CDH13: variants seen among roughly 807,000 people sequenced by gnomAD.
CDH13 encodes the protein cadherin 13.
CDH13 carries 24 observed loss-of-function variants against 63.8 expected under a neutral mutation model. That is an observed-to-expected ratio of 0.38 (90% CI 0.27 to 0.53). The LOEUF (loss-of-function observed/expected upper bound fraction) is 0.53. Ranked by LOEUF, CDH13 falls within the 20% of genes least tolerant of loss-of-function variation. The probability of loss-of-function intolerance (pLI) is 0.85; values close to 1 mark genes in which losing one functional copy is unlikely to be tolerated. For missense variants in CDH13, 1,049 were observed against 903.1 expected (o/e 1.16, Z -2.07); for synonymous variants, 503 against 355.3 (o/e 1.42, Z -4.67).
intron 1 of CDH13, among the ~76,000 whole-genome samples, chr16:82,663,183 G>GTT (rs755020955): frequency 1.8e-4 from 27 of 151,964 alleles, no homozygotes; most frequent in Non-Finnish European, 3.1e-4. Context: ...TAGGTTTTTT[G>GTT]TTTGTTTGTT....
intron 13 of CDH13, among the ~76,000 whole-genome samples, chr16:83,788,006 A>G (rs1468764740): frequency 1.3e-5 from 2 of 152,242 alleles, no homozygotes; most frequent in Non-Finnish European, 2.9e-5. Flanking sequence ...GGAGAGCAGT[A>G]CTTCCTATGT....
intron 3 of CDH13, among the ~76,000 whole-genome samples, chr16:83,056,032 C>A (rs985933786): frequency 6.6e-6 from 1 of 152,064 alleles, no homozygotes; most frequent in Non-Finnish European, 1.5e-5. Flanking sequence ...ACCCAACTAA[C>A]AATGGAGGAA....
At chr16:83,690,696 G>A (rs937986278) in intron 10 of CDH13, among the ~76,000 whole-genome samples, 2 of 152,128 alleles carry the variant, frequency 1.3e-5, no homozygotes, top group Admixed American at 1.3e-4. Context: ...TGCAGGCAGT[G>A]AGAAGCTGCA....
intron 3 of CDH13, among the ~76,000 whole-genome samples, chr16:83,071,453 G>C (rs1481991177): frequency 6.6e-6 from 1 of 152,186 alleles, no homozygotes; most frequent in Non-Finnish European, 1.5e-5. Context: ...TTCCCTGAGA[G>C]CTCCTCCAAG....
intron 1 of CDH13, among the ~76,000 whole-genome samples, chr16:82,809,872 G>C (rs2037354367): frequency 1.3e-5 from 2 of 152,102 alleles, no homozygotes; most frequent in Middle Eastern, 3.4e-3. Context: ...ACAATTTACA[G>C]CCTTCTCAAG....
chr16:83,495,818 A>G (rs564087239), intron 7 of CDH13, among the ~76,000 whole-genome samples: 15 of 152,132 alleles, frequency 9.9e-5, no homozygotes, highest in Admixed American at 2.0e-4. Flanking sequence ...GTGAAGAAAA[A>G]AGGTCAGAGT....
At position 83,780,039 on chromosome 16, in the gene CDH13, A is replaced by C. The variant is rs199759196; in HGVS notation, c.1753A>C (p.Ile585Leu). 1.2e-6 allele frequency: 2 copies of C among 1,613,972 alleles called. No individual in the cohort carries two copies. Among genetic ancestry groups the C allele is most frequent in the South Asian group, 1.1e-5 (1 of 91,074 alleles). The change falls in exon 12 of 14, where the codon ATT becomes CTT. Residue 585 changes from isoleucine (I) to leucine (L), a missense_variant. Ile to Leu is a conservative substitution (Grantham distance 5, BLOSUM62 2). Transcript: ENST00000567109. ...LEDVNDNAPF[I>L]YPTVAEVCDD... is the part of the protein sequence containing the mutation. The stretch of plus-strand genomic sequence containing the variant: ...GGACGTGAATGACAATGCCCCGTTC[A>C]TTTACCCCACAGTAGCTGAAGTCTG...
At chr16:82,664,243 C>T (rs1326422932) in intron 1 of CDH13, among the ~76,000 whole-genome samples, 1 of 152,232 alleles carries the variant, frequency 6.6e-6, no homozygotes, top group Non-Finnish European at 1.5e-5. Context: ...CTGTTCTTCA[C>T]ATGGCTGTGT....
At chr16:83,660,085 C>G (rs1913300346) in intron 8 of CDH13, among the ~76,000 whole-genome samples, 3 of 152,118 alleles carry the variant, frequency 2.0e-5, no homozygotes, top group Admixed American at 1.3e-4. Flanking sequence ...CCACGCCCAG[C>G]CAATCCACAA....
intron 5 of CDH13, among the ~76,000 whole-genome samples, chr16:83,243,608 C>T (rs1041918812): frequency 2.0e-5 from 3 of 152,230 alleles, no homozygotes; most frequent in African/African-American, 7.2e-5. Context: ...ATTCACTTGG[C>T]AATTTTTGTT....
chr16:82,903,070 A>G (rs928835183), intron 2 of CDH13, among the ~76,000 whole-genome samples: 4 of 152,238 alleles, frequency 2.6e-5, no homozygotes, highest in Admixed American at 6.5e-5. Context: ...AAAGATGGTA[A>G]TGGAAAAAGA....
In CDH13 at chr16:83,416,051, T is replaced by C. The variant is rs184829490; in HGVS notation, c.782-70426T>C. 1.4e-4 allele frequency among the ~76,000 whole-genome samples: 21 copies of C among 152,296 alleles called. No individual in the cohort carries two copies. In the East Asian group the frequency reaches 3.9e-3, roughly 28 times the overall value. On this transcript the variant is annotated intron_variant, in intron 6 of 13. Coordinates refer to ENST00000567109, the MANE Select transcript of CDH13 (RefSeq NM_001257.5). ...GAATTAATAAATGAATTTAGTAAAT[T>C]TGTGGGATACAAAATCAACAAACAA...
intron 1 of CDH13, among the ~76,000 whole-genome samples, chr16:82,742,344 A>G (rs1246641392): frequency 6.6e-6 from 1 of 152,118 alleles, no homozygotes; most frequent in Non-Finnish European, 1.5e-5. Context: ...CTAGTTTCCA[A>G]ATTTTCTACA....
intron 10 of CDH13, chr16:83,726,215 C>G (rs376425131): frequency 4.6e-5 from 7 of 152,158 alleles, no homozygotes; most frequent in Admixed American, 3.9e-4. Context: ...TTAGAAGGCA[C>G]CTTAGAGACC....
intron 5 of CDH13, among the ~76,000 whole-genome samples, chr16:83,334,361 T>TCACA (rs1208427532): frequency 1.9e-3 from 160 of 85,572 alleles, no homozygotes; most frequent in Middle Eastern, 7.8e-3. Context: ...TCTCTCTCTC[T>TCACA]CACACACACA....
At chr16:82,973,188 T>C (rs1198392831) in intron 2 of CDH13, among the ~76,000 whole-genome samples, 1 of 152,248 alleles carries the variant, frequency 6.6e-6, no homozygotes, top group Admixed American at 6.5e-5. Context: ...CTACCAACGT[T>C]CACTCTGCAT....
intron 1 of CDH13, among the ~76,000 whole-genome samples, chr16:82,643,425 A>G (rs541415095): frequency 6.6e-6 from 1 of 152,348 alleles, no homozygotes; most frequent in Admixed American, 6.5e-5. Context: ...AAGCGGAAGC[A>G]GAACGATGTT....
At position 83,175,118 on chromosome 16, in the gene CDH13, T is replaced by A. The variant is rs2038074819; in HGVS notation, c.484-42227T>A. On this transcript the variant is annotated intron_variant, in intron 4 of 13. Transcript: ENST00000567109. Reference sequence around the variant, plus strand: ...TATGCAGTACATACATACTGCACAGTGTAGATATGAAACGTTTCCATCATC... The same window carrying A: ...TATGCAGTACATACATACTGCACAGAGTAGATATGAAACGTTTCCATCATC... Among the ~76,000 whole-genome samples, 3 of 152,172 alleles carry A rather than the reference T, an allele frequency of 2.0e-5. No homozygotes were observed. In the South Asian group the frequency reaches 6.2e-4, roughly 32 times the overall value.
intron 6 of CDH13, among the ~76,000 whole-genome samples, chr16:83,437,116 G>C (rs1371390855): frequency 6.6e-6 from 1 of 152,014 alleles, no homozygotes; most frequent in Non-Finnish European, 1.5e-5. Context: ...AGTTCTTATG[G>C]ATTTGATTCT....
Sources: gnomAD v4.1 joint callset for allele counts (sites outside exome capture counted in the v4.1 genomes callset) on GRCh38, gnomAD v4.1.1 for gene constraint, MANE v1.5 for transcripts, NCBI Gene and HGNC (gene_info 2026-07-23, HGNC 2026-07-21) for gene names.